SLC6A5: variants seen among roughly 807,000 people sequenced by gnomAD.
SLC6A5 encodes the protein sodium- and chloride-dependent glycine transporter 2.
Under a neutral mutation model 90.5 loss-of-function variants are expected in SLC6A5, and 58 were observed. The observed-to-expected ratio is 0.64, with a 90% confidence interval of 0.52 to 0.80. SLC6A5 has a LOEUF of 0.80. Among genes scored for constraint, SLC6A5 ranks in the 30% least tolerant of loss-of-function variants. SLC6A5 has a pLI of 0.00. For missense variants in SLC6A5, 1,015 were observed against 1,017.6 expected (o/e 1.00, Z 0.03); for synonymous variants, 427 against 401.4 (o/e 1.06, Z -0.76).
chr11:20,636,464 G>A (rs1390037155), intron 11 of SLC6A5, 45 bp downstream of exon 11: 4 of 1,233,130 alleles, frequency 3.2e-6, no homozygotes, highest in Non-Finnish European at 4.8e-6. Context: ...TCCTCTTGAA[G>A]ACTCCCCCTC....
At chr11:20,627,074 A>T (rs1853012146) in intron 8 of SLC6A5, among the ~76,000 whole-genome samples, 1 of 152,192 alleles carries the variant, frequency 6.6e-6, no homozygotes, top group Admixed American at 6.5e-5. Flanking sequence ...AGAGGCCGAA[A>T]ATGAAGAATG....
At chr11:20,653,594 G>C (rs1853580864) in intron 15 of SLC6A5, among the ~76,000 whole-genome samples, 1 of 152,206 alleles carries the variant, frequency 6.6e-6, no homozygotes, top group African/African-American at 2.4e-5. Flanking sequence ...GGTAGCTTTT[G>C]TCTTCATTGG....
At chr11:20,626,110 A>G (rs758011694) in intron 7 of SLC6A5, among the ~76,000 whole-genome samples, 2 of 152,372 alleles carry the variant, frequency 1.3e-5, no homozygotes, top group East Asian at 3.9e-4. Flanking sequence ...CCTCACGATT[A>G]TCTGTAAGAA....
At chr11:20,654,635 T>A (rs1853606055) in intron 15 of SLC6A5, 78 bp from the exon 16 acceptor site, 1 of 1,442,374 alleles carries the variant, frequency 6.9e-7, no homozygotes, top group East Asian at 2.3e-5. Flanking sequence ...CATAAGCAGT[T>A]TGGGGATGAG....
intron 13 of SLC6A5, among the ~76,000 whole-genome samples, chr11:20,642,327 G>A (rs72932958): frequency 0.14 from 21,298 of 151,830 alleles, 1,949 homozygotes; most frequent in Non-Finnish European, 0.21. Flanking sequence ...GGTGCATGGG[G>A]GAAAGTGATT....
rs371265931 is a variant in SLC6A5 at position 20,607,010 on chromosome 11, C to T, written c.683C>T (p.Ala228Val). Reference protein sequence around the residue: ...PYLAFQNGGGAFLIPYLMMLA... With the variant: ...PYLAFQNGGGVFLIPYLMMLA... ...CACTCCCCACTCTCTTTCCAAGGTGCTTTCCTCATCCCTTACCTGATGATG... is the reference window on the plus strand; with the variant it reads ...CACTCCCCACTCTCTTTCCAAGGTGTTTTCCTCATCCCTTACCTGATGATG... The change falls in exon 4 of 16, where the codon GCT (alanine) becomes GTT (valine). Residue 228 changes from alanine (A) to valine (V), a missense_variant. Transcript: ENST00000525748. 36 of 1,614,132 alleles carry T rather than the reference C, an allele frequency of 2.2e-5. No individual in the cohort carries two copies. The highest frequency in any genetic ancestry group is 3.1e-5 in the Non-Finnish European group (36 of 1,180,032).
intron 8 of SLC6A5, among the ~76,000 whole-genome samples, chr11:20,627,446 C>T (rs1012248974): frequency 6.6e-6 from 1 of 152,132 alleles, no homozygotes; most frequent in Non-Finnish European, 1.5e-5. Context: ...GATTGCATAG[C>T]TAGGATTGAG....
intron 14 of SLC6A5, among the ~76,000 whole-genome samples, chr11:20,648,132 C>G (rs1191244384): frequency 6.6e-6 from 1 of 152,144 alleles, no homozygotes; most frequent in Non-Finnish European, 1.5e-5. Flanking sequence ...TTTGGGAACG[C>G]TGGAGGATGT....
intron 14 of SLC6A5, among the ~76,000 whole-genome samples, chr11:20,650,698 G>A (rs1340971739): frequency 8.6e-6 from 1 of 115,642 alleles, no homozygotes; most frequent in Non-Finnish European, 1.6e-5. Flanking sequence ...ATGGAGTCTC[G>A]CTCTGTCGCC....
At chr11:20,640,531 G>C (rs1853291838) in intron 13 of SLC6A5, among the ~76,000 whole-genome samples, 1 of 152,064 alleles carries the variant, frequency 6.6e-6, no homozygotes, top group Non-Finnish European at 1.5e-5. Flanking sequence ...AAGTAAGAGT[G>C]CTGGTGTTGG....
chr11:20,618,272 C>A (rs893648684), intron 7 of SLC6A5, among the ~76,000 whole-genome samples: 2 of 152,134 alleles, frequency 1.3e-5, no homozygotes, highest in Admixed American at 6.5e-5. Context: ...GTCTGGCTGC[C>A]AAGTTAGCTA....
intron 7 of SLC6A5, among the ~76,000 whole-genome samples, chr11:20,622,921 T>C (rs1002065226): frequency 1.3e-5 from 2 of 152,178 alleles, no homozygotes; most frequent in African/African-American, 4.8e-5. Context: ...CCTTGTAGTA[T>C]CTCATCTTCC....
chr11:20,645,883 C>T (rs1480507886), intron 13 of SLC6A5, among the ~76,000 whole-genome samples: 5 of 152,136 alleles, frequency 3.3e-5, no homozygotes, highest in Non-Finnish European at 7.3e-5. Flanking sequence ...GATCCACCTG[C>T]CTTGGCCTCC....
chr11:20,601,187 C>T lies in SLC6A5; in HGVS notation c.62C>T (p.Ala21Val). The T allele has an allele frequency of 1.3e-6, 2 of 1,586,860 alleles. No homozygotes were observed. The highest frequency in any genetic ancestry group is 4.5e-5 in the East Asian group (2 of 44,458). ...CCAGCCAACAGCCCGGAGGCGGCGG[C>T]GGCGCAGGGCCACCCGGATGGCCCA... The part of the protein sequence containing the change: ...KLPANSPEAA[A>V]AQGHPDGPCA... The change falls in exon 2 of 16, where the codon GCG becomes GTG. Residue 21 changes from alanine to valine, a missense_variant. By Grantham distance (64) the Ala-to-Val change is moderately conservative (BLOSUM62 0). This residue lies in a region of SLC6A5 where 567 missense variants were observed against 507.3 expected (regional missense o/e 1.12). Coordinates refer to ENST00000525748, the MANE Select transcript of SLC6A5 (RefSeq NM_004211.5).
chr11:20,620,418 T>G (rs1035597594), intron 7 of SLC6A5, among the ~76,000 whole-genome samples: 2 of 152,228 alleles, frequency 1.3e-5, no homozygotes, highest in African/African-American at 4.8e-5. Context: ...TACTTAGGAT[T>G]GCTGTAAGGA....
intron 13 of SLC6A5, among the ~76,000 whole-genome samples, chr11:20,640,519 CTAAG>C (rs1389795403): frequency 2.0e-5 from 3 of 152,082 alleles, no homozygotes; most frequent in African/African-American, 4.8e-5. Context: ...CCCCTGGTTT[CTAAG>C]TAAGAGTGCT....
chr11:20,651,807 T>C (rs1379036929), intron 14 of SLC6A5, among the ~76,000 whole-genome samples: 1 of 151,566 alleles, frequency 6.6e-6, no homozygotes, highest in African/African-American at 2.4e-5. Flanking sequence ...TTCGGGAGGC[T>C]GGGGCAGGAG....
intron 5 of SLC6A5, among the ~76,000 whole-genome samples, chr11:20,610,803 G>C (rs1187136201): frequency 2.0e-5 from 3 of 152,170 alleles, no homozygotes; most frequent in African/African-American, 7.2e-5. Context: ...ATTTGGCAAC[G>C]TTCAGAGACG....
chr11:20,643,208 A>T (rs1430201311), intron 13 of SLC6A5, among the ~76,000 whole-genome samples: 1 of 150,222 alleles, frequency 6.7e-6, no homozygotes, highest in Non-Finnish European at 1.5e-5. Context: ...AATAATAGAA[A>T]TTTCTAGAAT....
Sources: gnomAD v4.1 joint callset for allele counts (sites outside exome capture counted in the v4.1 genomes callset) on GRCh38, gnomAD v4.1.1 for gene constraint, gnomAD v4.1.1 regional missense constraint, MANE v1.5 for transcripts, NCBI Gene and HGNC (gene_info 2026-07-23, HGNC 2026-07-21) for gene names.